TNFRSF1B: variants seen among roughly 807,000 people sequenced by gnomAD.
TNFRSF1B encodes TNF receptor superfamily member 1B, also known as tumor necrosis factor receptor superfamily member 1B.
A neutral mutation model predicts 44.6 loss-of-function variants in TNFRSF1B; 19 were observed. The observed-to-expected ratio is 0.43, with a 90% confidence interval of 0.30 to 0.62. The LOEUF is 0.62. TNFRSF1B is among the 20% of genes least tolerant of loss of function. The pLI is 0.16. For missense variants in TNFRSF1B, 541 were observed against 619.9 expected, an observed-to-expected ratio of 0.87 and a Z score of 1.35; for synonymous variants, 252 against 261.1, an observed-to-expected ratio of 0.97 and a Z score of 0.34.
intron 9 of TNFRSF1B, among the ~76,000 whole-genome samples, 171 bp downstream of exon 9, chr1:12,202,342 G>A (rs1639412945): frequency 6.6e-6 from 1 of 152,254 alleles, no homozygotes; most frequent in African/African-American, 2.4e-5. Context: ...CTTTGCCCAT[G>A]CTGGGCCTAT....
intron 1 of TNFRSF1B, among the ~76,000 whole-genome samples, chr1:12,175,660 C>T (rs1376004985): frequency 6.6e-6 from 1 of 152,162 alleles, no homozygotes; most frequent in Non-Finnish European, 1.5e-5. Flanking sequence ...CCTGTCCTGG[C>T]CCCCAGCTCC....
At chr1:12,198,953 A>G (rs1639330676) in intron 8 of TNFRSF1B, among the ~76,000 whole-genome samples, 1 of 152,060 alleles carries the variant, frequency 6.6e-6, no homozygotes, top group South Asian at 2.1e-4. Flanking sequence ...TCGGCCTCCC[A>G]AAGTGCTGGG....
At position 12,207,087 on chromosome 1, in the gene TNFRSF1B, G is replaced by T. The variant is rs575457978; in HGVS notation, c.*67G>T. ...CCCTGGCAGGATGACCCTGCGAAGGGGCCCTGGTCCTTCCAGGCCCCCACC... is the reference window on the plus strand; with the variant it reads ...CCCTGGCAGGATGACCCTGCGAAGGTGCCCTGGTCCTTCCAGGCCCCCACC... On this transcript the variant is annotated 3_prime_UTR_variant, in exon 10 of 10. Coordinates refer to ENST00000376259, the MANE Select transcript of TNFRSF1B (RefSeq NM_001066.3). 22 of 1,484,062 alleles carry T rather than the reference G, an allele frequency of 1.5e-5. No individual in the cohort carries two copies. In the East Asian group the frequency reaches 4.6e-4, roughly 31 times the overall value. 91.9% of individuals were successfully genotyped at this position (1,484,062 alleles called of 1,614,324 possible).
In TNFRSF1B at chr1:12,188,837, C is replaced by T; in HGVS notation, c.120C>T (p.Cys40=). The T allele has an allele frequency of 6.2e-7, 1 of 1,613,856 alleles. No homozygotes were observed. The highest frequency in any genetic ancestry group is 1.1e-5 in the South Asian group (1 of 91,026). ...TPYAPEPGST[C]RLREYYDQTA... is the part of the protein sequence containing the mutation. ...ACGCCCCGGAGCCCGGGAGCACATG[C>T]CGGCTCAGAGAATACTATGACCAGA... is the stretch of plus-strand genomic sequence containing the variant. The change falls in exon 2 of 10, where the codon TGC becomes TGT. Residue 40 remains cysteine (C), a synonymous_variant. Coordinates refer to ENST00000376259, the MANE Select transcript of TNFRSF1B (RefSeq NM_001066.3).
At chr1:12,179,046 G>C (rs760909994) in intron 1 of TNFRSF1B, among the ~76,000 whole-genome samples, 23 of 152,028 alleles carry the variant, frequency 1.5e-4, no homozygotes, top group Non-Finnish European at 2.5e-4. Context: ...GGAGAGGCTG[G>C]GGCGTCTCTC....
In TNFRSF1B at chr1:12,193,832, G is replaced by C. The variant is rs886267786; in HGVS notation, c.788-123G>C. ...TTTGTAATTGGATTTGAGAATCTCC[G>C]GCCTAGACTCGCCCCTCATTTGCAA... On this transcript the variant is annotated intron_variant, in intron 6 of 9. Coordinates refer to ENST00000376259, the MANE Select transcript of TNFRSF1B (RefSeq NM_001066.3). 3 of 715,320 alleles carry C rather than the reference G, an allele frequency of 4.2e-6. No homozygotes were observed. In the East Asian group the frequency reaches 7.4e-5, roughly 18 times the overall value. The allele number at this position is 715,320 out of a possible 1,614,324, so 44.3% of individuals were successfully genotyped here. A position where few individuals can be genotyped will look rare whatever the true frequency, so the allele number is the denominator to read the frequency against.
At position 12,169,354 on chromosome 1, in the gene TNFRSF1B, A is replaced by C. The variant is rs1638471194; in HGVS notation, c.78+2185A>C. Among the ~76,000 whole-genome samples, 3 of 152,174 alleles carry C rather than the reference A, an allele frequency of 2.0e-5. No individual in the cohort carries two copies. Among genetic ancestry groups the C allele is most frequent in the Non-Finnish European group, 2.9e-5 (2 of 68,036 alleles). Reference sequence around the variant, plus strand: ...CAGGCACTGGGCTAGGTACTTTGTCACAAAATTTCACTGAAACCTCCCTTA... The same window carrying C: ...CAGGCACTGGGCTAGGTACTTTGTCCCAAAATTTCACTGAAACCTCCCTTA... On this transcript the variant is annotated intron_variant, in intron 1 of 9. Coordinates refer to ENST00000376259, the MANE Select transcript of TNFRSF1B (RefSeq NM_001066.3). This position sits in a 1 kb window ranked among gnomAD's most constrained non-coding sequence, Gnocchi z 4.5.
rs2101071741 is a variant in TNFRSF1B, at chr1:12,168,183, G to A, written c.78+1014G>A. On this transcript the variant is annotated intron_variant, in intron 1 of 9. Coordinates refer to ENST00000376259, the MANE Select transcript of TNFRSF1B (RefSeq NM_001066.3). The surrounding 1 kb of genome is among the most constrained non-coding windows in gnomAD (Gnocchi z 4.7). ...CCTGTGCCCTGAGGCTGCGGGGAAG[G>A]TGGGCGTTCATCCTTCCTCAGAGCC... Among the ~76,000 whole-genome samples, 1 of 152,356 alleles carries A rather than the reference G, an allele frequency of 6.6e-6. No homozygotes were observed. Among genetic ancestry groups the A allele is most frequent in the South Asian group, 2.1e-4 (1 of 4,828 alleles).
Position 12,186,977 on chromosome 1 carries a change from A to G in TNFRSF1B, c.79-1819A>G, listed in dbSNP as rs1258948784. ...TGCCAACCCCAGTCTTTCAGGAGAG[A>G]GGGCAGGACTCAGGGGCTTGCTCCC... On this transcript the variant is annotated intron_variant, in intron 1 of 9. Coordinates refer to ENST00000376259, the MANE Select transcript of TNFRSF1B (RefSeq NM_001066.3). The surrounding 1 kb of genome is among the most constrained non-coding windows in gnomAD (Gnocchi z 4.8). Among the ~76,000 whole-genome samples, 2 of 152,060 alleles carry G rather than the reference A, an allele frequency of 1.3e-5. No homozygotes were observed. The highest frequency in any genetic ancestry group is 2.9e-5 in the Non-Finnish European group (2 of 68,000).
chr1:12,193,982 G>T lies in TNFRSF1B; in HGVS notation c.815G>T (p.Gly272Val). 2.5e-6 allele frequency: 4 copies of T among 1,614,056 alleles called. No homozygotes were observed. The highest frequency in any genetic ancestry group is 3.4e-6 in the Non-Finnish European group (4 of 1,179,978). The change falls in exon 7 of 10, where the codon GGT becomes GTT. Residue 272 changes from glycine (G) to valine (V), a missense_variant. Gly to Val is a moderately radical substitution (Grantham distance 109). Coordinates refer to ENST00000376259, the MANE Select transcript of TNFRSF1B (RefSeq NM_001066.3). ...CTGATTGTGGGTGTGACAGCCTTGG[G>T]TCTACTAATAATAGGAGTGGTGAAC... ...VGLIVGVTAL[G>V]LLIIGVVNCV...
intron 9 of TNFRSF1B, among the ~76,000 whole-genome samples, chr1:12,204,742 T>C (rs1472195802): frequency 1.3e-5 from 2 of 152,138 alleles, no homozygotes; most frequent in African/African-American, 2.4e-5. Context: ...GATTTTTAAA[T>C]GTAAACGCCT....
chr1:12,174,461 T>A (rs5745964), intron 1 of TNFRSF1B, among the ~76,000 whole-genome samples: 1,794 of 152,264 alleles, frequency 0.012, 31 homozygotes, highest in African/African-American at 0.04. Flanking sequence ...TTGGCCAGGC[T>A]GGTCTCGAAC....
chr1:12,197,285 G>A (rs1374654645), intron 8 of TNFRSF1B, among the ~76,000 whole-genome samples: 1 of 152,190 alleles, frequency 6.6e-6, no homozygotes, highest in Non-Finnish European at 1.5e-5. Flanking sequence ...TTCACTGAAT[G>A]TGAGTGACTC....
At chr1:12,185,675 T>A (rs4845897) in intron 1 of TNFRSF1B, among the ~76,000 whole-genome samples, 18,023 of 152,216 alleles carry the variant, frequency 0.12, 1,326 homozygotes, top group South Asian at 0.21. Flanking sequence ...GGGGTGGGCC[T>A]CCGGGGCAGG....
chr1:12,197,914 A>G (rs1335120597), intron 8 of TNFRSF1B, among the ~76,000 whole-genome samples: 1 of 152,158 alleles, frequency 6.6e-6, no homozygotes, highest in Non-Finnish European at 1.5e-5. Context: ...TCACGAGGTC[A>G]GGAGATCGAG....
intron 1 of TNFRSF1B, among the ~76,000 whole-genome samples, chr1:12,170,346 G>C (rs1638493659): frequency 6.6e-6 from 1 of 152,210 alleles, no homozygotes. Flanking sequence ...CTGCCCTTAT[G>C]AGCTTAGCTG....
At position 12,208,531 on chromosome 1, in the gene TNFRSF1B, C is replaced by T. The variant is rs1222303307; in HGVS notation, c.*1511C>T. ...TCCTCCCCATTAGAGTCAGCCTTCC[C>T]CCTCCCAGGGCCAGGGCCCTGCAGA... On this transcript the variant is annotated 3_prime_UTR_variant, in exon 10 of 10. Transcript: ENST00000376259. The T allele has an allele frequency of 6.6e-6, 1 of 152,442 alleles. No homozygotes were observed. The allele number at this position is 152,442 out of a possible 1,614,324, so 9.4% of individuals were successfully genotyped here.
At position 12,199,030 on chromosome 1, in the gene TNFRSF1B, C is replaced by T. The variant is rs1034730224; in HGVS notation, c.901-2937C>T. Among the ~76,000 whole-genome samples, 17 of 152,100 alleles carry T rather than the reference C, an allele frequency of 1.1e-4. No homozygotes were observed. The highest frequency in any genetic ancestry group is 3.9e-4 in the Admixed American group (6 of 15,264). ...GTTTTGAATGAGGCTCCTCAGTACT[C>T]GGCTCTACTGGGGTCCCAGCCCAAG... On this transcript the variant is annotated intron_variant, in intron 8 of 9. Transcript: ENST00000376259. The surrounding 1 kb of genome is among the most constrained non-coding windows in gnomAD (Gnocchi z 4.0).
chr1:12,185,014 C>CT (rs1472602204), intron 1 of TNFRSF1B, among the ~76,000 whole-genome samples: 1 of 152,216 alleles, frequency 6.6e-6, no homozygotes, highest in Non-Finnish European at 1.5e-5. Flanking sequence ...GGCACAGCCC[C>CT]TGCCCTTGGG....
Sources: gnomAD v4.1 joint callset for allele counts (sites outside exome capture counted in the v4.1 genomes callset) on GRCh38, gnomAD v4.1.1 for gene constraint, Gnocchi (gnomAD v3.1) non-coding constraint, MANE v1.5 for transcripts, NCBI Gene and HGNC (gene_info 2026-07-23, HGNC 2026-07-21) for gene names.